DGLUCY: variants seen among roughly 807,000 people sequenced by gnomAD.
DGLUCY encodes the protein D-glutamate cyclase, mitochondrial.
A neutral mutation model predicts 58.5 loss-of-function variants in DGLUCY; 58 were observed. That is an observed-to-expected ratio of 0.99 (90% confidence interval 0.80 to 1.23). The LOEUF (loss-of-function observed/expected upper bound fraction) is 1.23. Ranked by LOEUF, DGLUCY falls within the 50% of genes most tolerant of loss-of-function variation. The pLI, the probability that DGLUCY is intolerant of heterozygous loss-of-function variation, is 0.00. For synonymous variants in DGLUCY, 325 were observed against 314.1 expected, an observed-to-expected ratio of 1.03 and a Z score of -0.37; for missense variants, 779 against 784.7, an observed-to-expected ratio of 0.99 and a Z score of 0.09.
At chr14:91,134,761 A>G (rs2046228778) in intron 1 of DGLUCY, among the ~76,000 whole-genome samples, 2 of 151,786 alleles carry the variant, frequency 1.3e-5, no homozygotes, top group African/African-American at 4.8e-5. Context: ...TCTAACTGTT[A>G]CTGGTGTATA....
intron 1 of DGLUCY, among the ~76,000 whole-genome samples, chr14:91,072,396 T>G (rs1485883708): frequency 6.6e-6 from 1 of 152,158 alleles, no homozygotes; most frequent in Non-Finnish European, 1.5e-5. Flanking sequence ...TGATGATTTT[T>G]GTGTTCGTTT....
chr14:91,102,151 ATG>A (rs2044498859), intron 1 of DGLUCY, among the ~76,000 whole-genome samples: 1 of 152,232 alleles, frequency 6.6e-6, no homozygotes, highest in South Asian at 2.1e-4. Context: ...TATATCTACT[ATG>A]TATCAATAAA....
intron 1 of DGLUCY, among the ~76,000 whole-genome samples, chr14:91,070,042 T>G (rs2043890416): frequency 6.6e-6 from 1 of 152,126 alleles, no homozygotes; most frequent in Non-Finnish European, 1.5e-5. Context: ...GTATAGGTGA[T>G]CTACAGATAA....
chr14:91,107,587 G>A (rs61989790), upstream of DGLUCY, among the ~76,000 whole-genome samples: 10,659 of 152,230 alleles, frequency 0.07, 468 homozygotes, highest in Non-Finnish European at 0.094. Flanking sequence ...CTAAGAGTGA[G>A]TGTGAAGAGA....
chr14:91,104,352 G>A (rs1251982289), upstream of DGLUCY, among the ~76,000 whole-genome samples: 1 of 151,890 alleles, frequency 6.6e-6, no homozygotes, highest in African/African-American at 2.4e-5. Flanking sequence ...GTGAGCCACC[G>A]CGCCCGGCCG....
chr14:91,144,012 G>A (rs1375518174), intron 1 of DGLUCY, among the ~76,000 whole-genome samples: 1 of 152,084 alleles, frequency 6.6e-6, no homozygotes. Context: ...CTCTGTGTAA[G>A]ATCTCCTCTT....
chr14:91,185,346 A>C lies in DGLUCY; in HGVS notation c.935-3564A>C, dbSNP rs1446603763. 2.2e-5 allele frequency: 3 copies of C among 134,920 alleles called. No homozygotes were observed. In the East Asian group the frequency reaches 6.5e-4, roughly 29 times the overall value. 8.4% of individuals were successfully genotyped at this position (134,920 alleles called of 1,614,324 possible). A position where few individuals can be genotyped will look rare whatever the true frequency, so the allele number is the denominator to read the frequency against. ...CCTCCAGGCTGGAGTACAGTGATGC[A>C]ATCATAGGTCACTGCAGCCTCACTC... On this transcript the variant is annotated intron_variant, in intron 8 of 13. Transcript: ENST00000256324.
At chr14:91,150,303 C>T (rs1397374983) in intron 1 of DGLUCY, among the ~76,000 whole-genome samples, 1 of 151,700 alleles carries the variant, frequency 6.6e-6, no homozygotes, top group East Asian at 1.9e-4. Flanking sequence ...TTAGCGCCTT[C>T]CTGTGGAGCT....
chr14:91,173,267 A>T (rs75272773), intron 5 of DGLUCY, 22 bp from the exon 6 acceptor site: 3 of 1,420,368 alleles, frequency 2.1e-6, no homozygotes, highest in South Asian at 1.2e-5. Flanking sequence ...TTTTCACTTG[A>T]TTTTTTTTTT....
chr14:91,118,018 T>C (rs79632653), intron 1 of DGLUCY, among the ~76,000 whole-genome samples: 4,802 of 151,460 alleles, frequency 0.032, 255 homozygotes, highest in African/African-American at 0.11. Context: ...GTTCTTGTTA[T>C]GTAGATGAAG....
intron 1 of DGLUCY, among the ~76,000 whole-genome samples, chr14:91,074,318 T>TAG (rs1468094565): frequency 2.1e-5 from 3 of 141,242 alleles, no homozygotes. Flanking sequence ...AAAAAATATA[T>TAG]ATATATATAT....
intron 1 of DGLUCY, among the ~76,000 whole-genome samples, chr14:91,074,116 T>TACACACACACACACACACACACACACAC (rs1280375718): frequency 1.3e-5 from 1 of 77,494 alleles, no homozygotes; most frequent in African/African-American, 5.3e-5. Flanking sequence ...TATATATATA[T>TACACACACACACACACACACACACACAC]ATACACACAC....
At chr14:91,156,826 G>T (rs2047646288) in intron 1 of DGLUCY, among the ~76,000 whole-genome samples, 2 of 152,232 alleles carry the variant, frequency 1.3e-5, no homozygotes, top group Non-Finnish European at 1.5e-5. Context: ...GGGCCATGCA[G>T]CAGTGGGTTC....
At chr14:91,161,781 T>C (rs1716035594) in intron 3 of DGLUCY, among the ~76,000 whole-genome samples, 1 of 150,352 alleles carries the variant, frequency 6.7e-6, no homozygotes, top group Admixed American at 6.7e-5. Flanking sequence ...TTTATATAAA[T>C]TGGTGCAAAA....
Position 91,129,131 on chromosome 14 carries a change from C to T in DGLUCY, c.-82+14848C>T, listed in dbSNP as rs1306985592. Reference sequence around the variant, plus strand: ...TTCCTGCATCCTTAGCCATCATCTACACACTTTTTATCTTTTCTTTTAAAT... The same window carrying T: ...TTCCTGCATCCTTAGCCATCATCTATACACTTTTTATCTTTTCTTTTAAAT... On this transcript the variant is annotated intron_variant, in intron 1 of 13. Transcript: ENST00000256324. Among the ~76,000 whole-genome samples, 3 of 152,186 alleles carry T rather than the reference C, an allele frequency of 2.0e-5. No homozygotes were observed. In the East Asian group the frequency reaches 5.8e-4, roughly 29 times the overall value.
intron 1 of DGLUCY, among the ~76,000 whole-genome samples, chr14:91,118,458 A>C (rs868741526): frequency 1.8e-4 from 21 of 116,454 alleles, no homozygotes; most frequent in African/African-American, 7.5e-4. Flanking sequence ...GGAAAGAGCT[A>C]GTTAATAGAT....
chr14:91,141,974 T>C (rs2140255986), intron 1 of DGLUCY, among the ~76,000 whole-genome samples: 2 of 152,182 alleles, frequency 1.3e-5, no homozygotes, highest in Middle Eastern at 3.4e-3. Flanking sequence ...GCCTCTTCAG[T>C]AGCTGGGACT....
chr14:91,212,129 C>G (rs2140701806), intron 12 of DGLUCY, among the ~76,000 whole-genome samples: 2 of 152,254 alleles, frequency 1.3e-5, no homozygotes, highest in Admixed American at 1.3e-4. Flanking sequence ...ATAACAACAC[C>G]AAAGGCATTA....
intron 1 of DGLUCY, among the ~76,000 whole-genome samples, chr14:91,094,298 G>A (rs976487100): frequency 2.6e-5 from 4 of 151,908 alleles, no homozygotes; most frequent in Admixed American, 6.6e-5. Context: ...AGCCGGGTGC[G>A]GTGGCAGGTG....
Sources: gnomAD v4.1 joint callset for allele counts (sites outside exome capture counted in the v4.1 genomes callset) on GRCh38, gnomAD v4.1.1 for gene constraint, MANE v1.5 for transcripts, NCBI Gene and HGNC (gene_info 2026-07-23, HGNC 2026-07-21) for gene names.